The following PAGE3 variants were observed in gnomAD, a reference collection of about 807,000 sequenced individuals.
PAGE3 encodes PAGE family member 3, also known as P antigen family member 3.
A neutral mutation model predicts 3.8 loss-of-function variants in PAGE3; 9 were observed. The observed-to-expected ratio is 2.36, with a 90% CI of 1.42 to 4.12. PAGE3 has a LOEUF of 4.12. PAGE3 is among the 30% of genes most tolerant of loss of function. PAGE3 has a pLI of 0.00. For synonymous variants in PAGE3, 24 were observed against 13.1 expected (o/e 1.83, Z -1.79); for missense variants, 73 against 37.8 (o/e 1.93, Z -2.44).
intron 3 of PAGE3, among the ~76,000 whole-genome samples, chrX:55,261,244 GA>G (rs1022556001): frequency 9.1e-5 from 10 of 110,476 alleles, no homozygotes; most frequent in Admixed American, 1.9e-4. Context: ...CCTGGAATCA[GA>G]AAAAAAACTA....
At chrX:55,262,715 T>G (rs1938309581) in intron 3 of PAGE3, among the ~76,000 whole-genome samples, 1 of 99,475 alleles carries the variant, frequency 1.0e-5, no homozygotes, top group Non-Finnish European at 2.0e-5. Flanking sequence ...TATATATATA[T>G]ATATATATAT....
In PAGE3 at chrX:55,260,445, T is replaced by C. The variant is rs1938267840; in HGVS notation, c.319+89A>G. ...TATATATGAACTCTGTTAAATTATA[T>C]TAGCAGTAGTGGTACCTCTATATTA... On this transcript the variant is annotated intron_variant, in intron 4 of 4. Coordinates refer to ENST00000374951, the MANE Select transcript of PAGE3 (RefSeq NM_001017931.3). The C allele has an allele frequency of 9.0e-6, 4 of 443,705 alleles. No individual in the cohort carries two copies. The East Asian group carries it at 1.7e-4, about 19-fold the overall frequency. 36.6% of individuals were successfully genotyped at this position (443,705 alleles called of 1,213,427 possible).
chrX:55,264,291 C>A (rs141248457), intron 1 of PAGE3, among the ~76,000 whole-genome samples: 3 of 110,829 alleles, frequency 2.7e-5, no homozygotes, highest in African/African-American at 9.8e-5. Flanking sequence ...TTTATTGGAA[C>A]GCACAGCCTC....
chrX:55,263,617 T>G (rs752797209), intron 2 of PAGE3, among the ~76,000 whole-genome samples: 2 of 111,590 alleles, frequency 1.8e-5, no homozygotes, highest in African/African-American at 3.3e-5. Flanking sequence ...AAGGAAGCCA[T>G]AGAGAATATT....
chrX:55,263,607 A>G (rs1251839422), intron 2 of PAGE3, among the ~76,000 whole-genome samples: 3 of 111,713 alleles, frequency 2.7e-5, no homozygotes, highest in Non-Finnish European at 3.8e-5. Flanking sequence ...TAAGCAGGAG[A>G]AGGAAGCCAT....
At chrX:55,261,878 G>T (rs1408842380) in intron 3 of PAGE3, among the ~76,000 whole-genome samples, 1 of 111,421 alleles carries the variant, frequency 9.0e-6, no homozygotes, top group African/African-American at 3.3e-5. Context: ...GTAAGCGTAT[G>T]ACATATCTTA....
At chrX:55,258,578 T>A in intron 4 of PAGE3, 50 bp from the exon 5 acceptor site, 3 of 558,050 alleles carry the variant, frequency 5.4e-6, no homozygotes, top group African/African-American at 4.5e-5. Context: ...GAACTTTTTA[T>A]GATGACACTA....
chrX:55,263,734 A>G (rs1208917492), intron 2 of PAGE3, 86 bp downstream of exon 2: 1 of 461,065 alleles, frequency 2.2e-6, no homozygotes, highest in Admixed American at 3.3e-5. Flanking sequence ...AGCATGGAAA[A>G]CCTTATTAAT....
At chrX:55,258,590 G>A (rs893486260) in intron 4 of PAGE3, 62 bp from the exon 5 acceptor site, 13 of 536,606 alleles carry the variant, frequency 2.4e-5, no homozygotes, top group South Asian at 7.7e-5. Flanking sequence ...ATGACACTAC[G>A]GGTTGAAAAA....
chrX:55,262,345 G>A (rs1938301987), intron 3 of PAGE3, among the ~76,000 whole-genome samples: 1 of 111,121 alleles, frequency 9.0e-6, no homozygotes, highest in Admixed American at 9.7e-5. Context: ...GAATTGTTCA[G>A]CTATTAACTA....
Position 55,264,551 on chromosome X carries a change from A to G in PAGE3, c.-14T>C, listed in dbSNP as rs1409068557. 1 of 111,655 alleles carries G rather than the reference A, an allele frequency of 9.0e-6. No homozygotes were observed. The highest frequency in any genetic ancestry group is 9.5e-5 in the Admixed American group (1 of 10,476). The allele number at this position is 111,655 out of a possible 1,213,427, so 9.2% of individuals were successfully genotyped here. A position where few individuals can be genotyped will look rare whatever the true frequency, so the allele number is the denominator to read the frequency against. On this transcript the variant is annotated 5_prime_UTR_variant, in exon 1 of 5. Coordinates refer to ENST00000374951, the MANE Select transcript of PAGE3 (RefSeq NM_001017931.3). ...GCCTTTCGGCACTCAGATACCTCCA[A>G]CAGCACGCCCAGCACTCGCCCCATC...
chrX:55,260,361 T>C (rs1410030768), intron 4 of PAGE3, among the ~76,000 whole-genome samples, 173 bp downstream of exon 4: 1 of 112,105 alleles, frequency 8.9e-6, no homozygotes, highest in Non-Finnish European at 1.9e-5. Flanking sequence ...GTAGGATCTA[T>C]GATGGTGCTT....
rs1254306232 is a variant in PAGE3 at position 55,259,067 on chromosome X, C to A, written c.320-539G>T. Among the ~76,000 whole-genome samples the A allele has an allele frequency of 5.4e-5, 6 of 111,433 alleles. No homozygotes were observed. The East Asian group carries it at 1.7e-3, about 31-fold the overall frequency. ...ATATGGTTGTTTTAAGTAGGTTAAC[C>A]ATTTGTCTCTGTTTTCACCTGTGGT... On this transcript the variant is annotated intron_variant, in intron 4 of 4. Coordinates refer to ENST00000374951, the MANE Select transcript of PAGE3 (RefSeq NM_001017931.3).
rs775011850 is a variant in PAGE3 at position 55,260,504 on chromosome X, C to T, written c.319+30G>A. The T allele has an allele frequency of 1.6e-5, 9 of 548,959 alleles. No homozygotes were observed. In the East Asian group the frequency reaches 1.7e-4, roughly 10 times the overall value. The allele number at this position is 548,959 out of a possible 1,213,427, so 45.2% of individuals were successfully genotyped here. A position where few individuals can be genotyped will look rare whatever the true frequency, so the allele number is the denominator to read the frequency against. On this transcript the variant is annotated intron_variant, in intron 4 of 4. Coordinates refer to ENST00000374951, the MANE Select transcript of PAGE3 (RefSeq NM_001017931.3). ...ATAGTATTTTTGAAAACAGAAACCC[C>T]ATAATTTGCATTTTTAATGAATAAC... is the stretch of plus-strand genomic sequence containing the variant.
chrX:55,263,927 T>A lies in PAGE3; in HGVS notation c.-8-16A>T, dbSNP rs1380836097. Reference sequence around the variant, plus strand: ...ATGTTTCACTCTGAAAGTGGCATACTGTGATTCAGAAAATGTACATAAGAG... The same window carrying A: ...ATGTTTCACTCTGAAAGTGGCATACAGTGATTCAGAAAATGTACATAAGAG... On this transcript the variant is annotated splice_polypyrimidine_tract_variant and intron_variant, in intron 1 of 4. Coordinates refer to ENST00000374951, the MANE Select transcript of PAGE3 (RefSeq NM_001017931.3). 1 of 557,216 alleles carries A rather than the reference T, an allele frequency of 1.8e-6. No individual in the cohort carries two copies. The highest frequency in any genetic ancestry group is 3.3e-5 in the East Asian group (1 of 30,569). The allele number at this position is 557,216 out of a possible 1,213,427, so 45.9% of individuals were successfully genotyped here.
At chrX:55,262,649 T>C (rs1373052266) in intron 3 of PAGE3, among the ~76,000 whole-genome samples, 3 of 106,976 alleles carry the variant, frequency 2.8e-5, no homozygotes, top group Non-Finnish European at 5.8e-5. Context: ...TTCTTACTTA[T>C]CAAGTGGGAT....
At chrX:55,261,874 G>A (rs775358136) in intron 3 of PAGE3, among the ~76,000 whole-genome samples, 13 of 111,459 alleles carry the variant, frequency 1.2e-4, no homozygotes, top group South Asian at 7.6e-4. Context: ...ATTTGTAAGC[G>A]TATGACATAT....
intron 2 of PAGE3, among the ~76,000 whole-genome samples, chrX:55,263,599 A>C (rs1322802447): frequency 8.9e-6 from 1 of 111,810 alleles, no homozygotes; most frequent in Non-Finnish European, 1.9e-5. Context: ...GTTATGAATA[A>C]GCAGGAGAAG....
intron 4 of PAGE3, among the ~76,000 whole-genome samples, chrX:55,259,834 T>C (rs1306809410): frequency 9.0e-6 from 1 of 111,135 alleles, no homozygotes; most frequent in African/African-American, 3.3e-5. Flanking sequence ...GCAATGATCT[T>C]CCTATGAGTA....
Sources: allele counts gnomAD v4.1 joint callset (sites outside exome capture counted in the v4.1 genomes callset), GRCh38; gene constraint gnomAD v4.1.1; transcripts MANE v1.5; gene names NCBI Gene and HGNC (gene_info 2026-07-23, HGNC 2026-07-21).